The following BCL2L13 variants were observed in gnomAD, a reference collection of about 807,000 sequenced individuals.
BCL2L13 encodes bcl-2-like protein 13.
Under a neutral mutation model 25.8 loss-of-function variants are expected in BCL2L13, and 13 were observed. The observed-to-expected ratio is 0.50, with a 90% CI of 0.33 to 0.80. The LOEUF is 0.80. Ranked by LOEUF, BCL2L13 falls within the 30% of genes least tolerant of loss-of-function variation. The pLI, the probability that BCL2L13 is intolerant of heterozygous loss-of-function variation, is 0.02. For synonymous variants in BCL2L13, 244 were observed against 230.3 expected (o/e 1.06, Z -0.54); for missense variants, 504 against 574.9 (o/e 0.88, Z 1.26).
chr22:17,654,579 C>T (rs1055393768), intron 1 of BCL2L13, among the ~76,000 whole-genome samples: 2 of 151,978 alleles, frequency 1.3e-5, no homozygotes, highest in African/African-American at 2.4e-5. Context: ...CCCGCCATCA[C>T]GCCCGGCTAA....
At chr22:17,655,425 C>CT (rs370375070) in intron 1 of BCL2L13, among the ~76,000 whole-genome samples, 213 of 135,892 alleles carry the variant, frequency 1.6e-3, no homozygotes, top group Admixed American at 1.9e-3. Context: ...ATGTGCAGTA[C>CT]TTTTTTTTTT....
intron 1 of BCL2L13, among the ~76,000 whole-genome samples, chr22:17,644,310 G>A (rs12166769): frequency 0.096 from 14,242 of 149,096 alleles, 994 homozygotes; most frequent in Non-Finnish European, 0.11. Flanking sequence ...GTTCAACTCT[G>A]TATTACTGGA....
intron 6 of BCL2L13, among the ~76,000 whole-genome samples, chr22:17,704,113 G>C (rs1315224099): frequency 6.6e-6 from 1 of 151,788 alleles, no homozygotes; most frequent in Non-Finnish European, 1.5e-5. Flanking sequence ...TTTTGAAACA[G>C]TCTTGCTCTG....
intron 6 of BCL2L13, chr22:17,706,739 T>G (rs754039466): frequency 2.5e-5 from 34 of 1,351,964 alleles, no homozygotes; most frequent in Middle Eastern, 4.2e-4. Flanking sequence ...GCTCCCTCCC[T>G]CCTCATTCTC....
intron 1 of BCL2L13, among the ~76,000 whole-genome samples, chr22:17,642,129 CTTTTTTT>C (rs35772364): frequency 3.0e-5 from 2 of 67,652 alleles, no homozygotes; most frequent in East Asian, 4.7e-4. Context: ...TGGCTTCTCT[CTTTTTTT>C]TTTTTTTTTT....
chr22:17,726,207 T>C (rs1030751832), intron 6 of BCL2L13, among the ~76,000 whole-genome samples: 2 of 152,072 alleles, frequency 1.3e-5, no homozygotes, highest in African/African-American at 4.8e-5. Flanking sequence ...AAAAGTTAAC[T>C]GGGCGTGGTG....
rs572383716 is a variant in BCL2L13, at chr22:17,640,701, T to TAA, written c.-51+1828_-51+1829dup. On this transcript the variant is annotated intron_variant, in intron 1 of 6. Transcript: ENST00000317582. ...AGGAGACCTTGTCTTCACAAAAAAT[T>TAA]AAAAAAAAAAAAAATTAGCCAGGCA... 2.4e-3 allele frequency among the ~76,000 whole-genome samples: 333 copies of TAA among 141,052 alleles called. 4 individuals carry two copies. The highest frequency in any genetic ancestry group is 7.5e-3 in the African/African-American group (289 of 38,332). The allele number at this position is 141,052 out of a possible 152,430, so 92.5% of individuals were successfully genotyped here.
intron 2 of BCL2L13, among the ~76,000 whole-genome samples, chr22:17,673,838 T>C (rs929763440): frequency 1.3e-5 from 2 of 152,214 alleles, no homozygotes; most frequent in Non-Finnish European, 2.9e-5. Flanking sequence ...ATTGTGTTTT[T>C]TTAAGTGTCT....
chr22:17,672,636 A>T (rs902158138), intron 2 of BCL2L13, among the ~76,000 whole-genome samples: 1 of 152,236 alleles, frequency 6.6e-6, no homozygotes, highest in Non-Finnish European at 1.5e-5. Flanking sequence ...CTGGTCAGCT[A>T]AATAAATAGC....
At chr22:17,691,621 G>T (rs926300280) in intron 4 of BCL2L13, among the ~76,000 whole-genome samples, 3 of 152,024 alleles carry the variant, frequency 2.0e-5, no homozygotes, top group Admixed American at 6.6e-5. Context: ...ACTCCAGCCT[G>T]GGTGACAGAG....
chr22:17,683,173 T>C, intron 2 of BCL2L13, 41 bp from the exon 3 acceptor site: 1 of 1,125,534 alleles, frequency 8.9e-7, no homozygotes, highest in African/African-American at 1.6e-5. Context: ...TAATGGTTTC[T>C]CTCTCCCTCT....
At chr22:17,720,123 T>C (rs1031599439) in intron 6 of BCL2L13, among the ~76,000 whole-genome samples, 1 of 144,368 alleles carries the variant, frequency 6.9e-6, no homozygotes, top group African/African-American at 2.5e-5. Flanking sequence ...TAAAAACCAC[T>C]GAATGGTACA....
At chr22:17,690,054 T>C (rs2060060538) in intron 4 of BCL2L13, among the ~76,000 whole-genome samples, 1 of 151,390 alleles carries the variant, frequency 6.6e-6, no homozygotes, top group African/African-American at 2.4e-5. Flanking sequence ...ATTATAAATA[T>C]TAAAAATCAG....
chr22:17,681,538 A>G (rs2059757092), intron 2 of BCL2L13, among the ~76,000 whole-genome samples: 1 of 151,650 alleles, frequency 6.6e-6, no homozygotes, highest in Non-Finnish European at 1.5e-5. Flanking sequence ...ATTAGTAAAG[A>G]GTTTAAACCA....
chr22:17,649,517 T>A (rs1191831926), intron 1 of BCL2L13, among the ~76,000 whole-genome samples: 1 of 152,202 alleles, frequency 6.6e-6, no homozygotes, highest in Non-Finnish European at 1.5e-5. Flanking sequence ...AGACTTTTTT[T>A]TTTGAGACGA....
rs1400684241 is a variant in BCL2L13 at position 17,730,759 on chromosome 22, A to G, written c.*3225A>G. The G allele has an allele frequency of 6.6e-6, 1 of 152,116 alleles. No homozygotes were observed. Among genetic ancestry groups the G allele is most frequent in the East Asian group, 1.9e-4 (1 of 5,190 alleles). 9.4% of individuals were successfully genotyped at this position (152,116 alleles called of 1,614,324 possible). The stretch of plus-strand genomic sequence containing the variant: ...CAGACACGACCTAGAGCTTCTGCCC[A>G]AATTCCCACACAAGCATTATCTCGT... On this transcript the variant is annotated 3_prime_UTR_variant, in exon 7 of 7. Coordinates refer to ENST00000317582, the MANE Select transcript of BCL2L13 (RefSeq NM_015367.4).
intron 6 of BCL2L13, among the ~76,000 whole-genome samples, chr22:17,725,645 T>G (rs1255935461): frequency 1.3e-5 from 2 of 152,216 alleles, no homozygotes; most frequent in African/African-American, 4.8e-5. Context: ...ATAAATTCCT[T>G]GAGCACAAGG....
At chr22:17,656,094 ATTT>A (rs2058845051) in intron 2 of BCL2L13, among the ~76,000 whole-genome samples, 1 of 151,646 alleles carries the variant, frequency 6.6e-6, no homozygotes, top group Non-Finnish European at 1.5e-5. Context: ...TACAAAAATT[ATTT>A]GGGCATGGTG....
At chr22:17,662,354 T>C (rs1183769876) in intron 2 of BCL2L13, among the ~76,000 whole-genome samples, 4 of 152,108 alleles carry the variant, frequency 2.6e-5, no homozygotes. Context: ...GGCAGGTGCC[T>C]GTAGTCCCAG....
Sources: allele counts gnomAD v4.1 joint callset (sites outside exome capture counted in the v4.1 genomes callset), GRCh38; gene constraint gnomAD v4.1.1; transcripts MANE v1.5; gene names NCBI Gene and HGNC (gene_info 2026-07-23, HGNC 2026-07-21).